Variants in RIMS2 observed in about 807,000 individuals in gnomAD.
RIMS2 encodes the protein regulating synaptic membrane exocytosis 2, also known as regulating synaptic membrane exocytosis protein 2.
Under a neutral mutation model 174.4 loss-of-function variants are expected in RIMS2, and 59 were observed. The observed-to-expected ratio is 0.34, with a 90% CI of 0.27 to 0.42. RIMS2 has a LOEUF of 0.42. RIMS2 is among the 10% of genes least tolerant of loss of function. RIMS2 has a pLI of 1.00. For missense variants in RIMS2, 1,620 were observed against 1,666.3 expected (o/e 0.97, Z 0.48); for synonymous variants, 606 against 572.5 (o/e 1.06, Z -0.84).
chr8:103,952,470 G>A (rs950476248), intron 14 of RIMS2, among the ~76,000 whole-genome samples: 1 of 152,136 alleles, frequency 6.6e-6, no homozygotes, highest in Non-Finnish European at 1.5e-5. Context: ...AGGCAAACAG[G>A]GTATGCAGCA....
At chr8:103,765,395 G>A (rs1469779535) in intron 2 of RIMS2, among the ~76,000 whole-genome samples, 1 of 152,124 alleles carries the variant, frequency 6.6e-6, no homozygotes, top group Admixed American at 6.5e-5. Context: ...GGCTGTTGCT[G>A]TTTAGTGGGT....
intron 2 of RIMS2, among the ~76,000 whole-genome samples, chr8:103,753,968 T>C (rs974891552): frequency 1.1e-4 from 17 of 152,210 alleles, no homozygotes; most frequent in African/African-American, 3.9e-4. Context: ...TGCCTTCTGC[T>C]AGCTTTTGAA....
At chr8:104,002,361 T>C (rs1490964758) in intron 17 of RIMS2, among the ~76,000 whole-genome samples, 2 of 152,150 alleles carry the variant, frequency 1.3e-5, no homozygotes, top group Non-Finnish European at 2.9e-5. Context: ...CTTGCTGCAT[T>C]GTTCTTCTTT....
intron 1 of RIMS2, among the ~76,000 whole-genome samples, chr8:103,687,779 G>C (rs2096960413): frequency 6.6e-6 from 1 of 152,022 alleles, no homozygotes; most frequent in Non-Finnish European, 1.5e-5. Context: ...TTCTGTGCCT[G>C]GCTTACTTCA....
intron 11 of RIMS2, among the ~76,000 whole-genome samples, chr8:103,929,345 T>A (rs1388952718): frequency 6.6e-6 from 1 of 151,806 alleles, no homozygotes; most frequent in African/African-American, 2.4e-5. Flanking sequence ...TTAATGATTT[T>A]AAAGGAGAAA....
intron 19 of RIMS2, among the ~76,000 whole-genome samples, chr8:104,154,456 TAATTA>T (rs943731526): frequency 3.3e-5 from 5 of 152,340 alleles, no homozygotes; most frequent in Non-Finnish European, 5.9e-5. Context: ...TTTACATTTT[TAATTA>T]AATTATTTTA....
At chr8:103,887,808 CA>C (rs772207623) in intron 4 of RIMS2, among the ~76,000 whole-genome samples, 1 of 151,336 alleles carries the variant, frequency 6.6e-6, no homozygotes, top group Non-Finnish European at 1.5e-5. Context: ...AAATAACTAA[CA>C]AGAAATGAGG....
rs189209504 is a variant in RIMS2, at chr8:103,753,797, C to G, written c.388-12430C>G. ...ATATCCCCTTTCTCATTTTTTATTG[C>G]GTCTATTTGATTCTTCTCTGTTTTC... On this transcript the variant is annotated intron_variant, in intron 2 of 23. Coordinates refer to ENST00000504942, the Ensembl canonical transcript of RIMS2. 4.3e-3 allele frequency among the ~76,000 whole-genome samples: 659 copies of G among 152,040 alleles called. 6 individuals are homozygous for G. Among genetic ancestry groups the G allele is most frequent in the African/African-American group, 0.015 (615 of 41,486 alleles).
intron 3 of RIMS2, among the ~76,000 whole-genome samples, chr8:103,798,278 G>T (rs2098568689): frequency 6.6e-6 from 1 of 152,036 alleles, no homozygotes; most frequent in Admixed American, 6.6e-5. Flanking sequence ...TATAAAAGTA[G>T]TCAGATAATT....
intron 2 of RIMS2, among the ~76,000 whole-genome samples, chr8:103,725,351 C>T (rs1160203336): frequency 6.6e-6 from 1 of 152,138 alleles, no homozygotes; most frequent in Non-Finnish European, 1.5e-5. Flanking sequence ...TTATTTCCAT[C>T]ATCCTAGGAA....
chr8:104,053,709 G>C (rs936857187), intron 19 of RIMS2, among the ~76,000 whole-genome samples: 4 of 152,106 alleles, frequency 2.6e-5, no homozygotes, highest in Admixed American at 1.3e-4. Flanking sequence ...TTGAAGTACA[G>C]GTTAGTTAAA....
At chr8:103,533,202 T>C (rs1838054893) in intron 1 of RIMS2, among the ~76,000 whole-genome samples, 1 of 152,242 alleles carries the variant, frequency 6.6e-6, no homozygotes, top group African/African-American at 2.4e-5. Context: ...AATTAAATCA[T>C]ATTTGATTGC....
At chr8:104,160,254 T>G (rs913813886) in intron 19 of RIMS2, among the ~76,000 whole-genome samples, 11 of 152,228 alleles carry the variant, frequency 7.2e-5, no homozygotes, top group Admixed American at 7.2e-4. Flanking sequence ...ATCTCATTCA[T>G]TTTTACATCT....
intron 3 of RIMS2, among the ~76,000 whole-genome samples, chr8:103,811,362 A>C (rs981945597): frequency 1.3e-5 from 2 of 152,166 alleles, no homozygotes; most frequent in African/African-American, 4.8e-5. Flanking sequence ...GCTTAAATCT[A>C]GGTTTGGTAC....
chr8:103,514,733 T>G (rs572162884), intron 1 of RIMS2, among the ~76,000 whole-genome samples: 1 of 152,204 alleles, frequency 6.6e-6, no homozygotes, highest in African/African-American at 2.4e-5. Flanking sequence ...AAGTAGTTGG[T>G]AGAAAATTGC....
chr8:104,163,453 C>T (rs2098776339), intron 19 of RIMS2, among the ~76,000 whole-genome samples: 1 of 152,092 alleles, frequency 6.6e-6, no homozygotes, highest in African/African-American at 2.4e-5. Flanking sequence ...CGAAGCTTGC[C>T]TTGATGAAAA....
intron 1 of RIMS2, among the ~76,000 whole-genome samples, chr8:103,552,753 G>C (rs1438607478): frequency 1.3e-5 from 2 of 151,874 alleles, no homozygotes; most frequent in Non-Finnish European, 2.9e-5. Flanking sequence ...TTACAAGAAA[G>C]AATCAAACAA....
At chr8:103,824,444 C>T (rs77002460) in intron 3 of RIMS2, among the ~76,000 whole-genome samples, 1 of 152,080 alleles carries the variant, frequency 6.6e-6, no homozygotes, top group East Asian at 1.9e-4. Context: ...GACTCATCCA[C>T]AATTTTAGTT....
chr8:103,538,253 T>C (rs1311084134), intron 1 of RIMS2, among the ~76,000 whole-genome samples: 2 of 152,208 alleles, frequency 1.3e-5, no homozygotes, highest in Non-Finnish European at 2.9e-5. Context: ...CTGTTAATAT[T>C]CTAATAACAA....
Sources: allele counts gnomAD v4.1 joint callset (sites outside exome capture counted in the v4.1 genomes callset), GRCh38; gene constraint gnomAD v4.1.1; transcripts MANE v1.5; gene names NCBI Gene and HGNC (gene_info 2026-07-23, HGNC 2026-07-21).